Variants in POLR2F observed in about 807,000 individuals in gnomAD.
POLR2F encodes the protein RNA polymerase II, I and III subunit F.
In POLR2F, 12 loss-of-function variants were observed where a neutral mutation model predicts 22.7. That is an observed-to-expected ratio of 0.53 (90% confidence interval 0.34 to 0.86). The LOEUF is 0.86. Ranked by LOEUF, POLR2F falls within the 40% of genes least tolerant of loss-of-function variation. POLR2F has a pLI of 0.02. For missense variants in POLR2F, 126 were observed against 171.5 expected, an observed-to-expected ratio of 0.73 and a Z score of 1.48; for synonymous variants, 57 against 66.0, an observed-to-expected ratio of 0.86 and a Z score of 0.66.
At chr22:37,981,892 G>T (rs1216015973), upstream of POLR2F, among the ~76,000 whole-genome samples, 1 of 152,194 alleles carries the variant, frequency 6.6e-6, no homozygotes, top group Admixed American at 6.5e-5. Context: ...CTGAGAAGGG[G>T]CAGGGGAAGG....
intron 1 of POLR2F, among the ~76,000 whole-genome samples, chr22:38,002,200 C>G (rs1259989521): frequency 1.3e-5 from 2 of 150,212 alleles, no homozygotes; most frequent in Non-Finnish European, 3.0e-5. Flanking sequence ...CAAAGCATAT[C>G]ACTTCTAGAC....
At chr22:38,011,598 C>T (rs2084872481) in intron 1 of POLR2F, among the ~76,000 whole-genome samples, 1 of 151,832 alleles carries the variant, frequency 6.6e-6, no homozygotes, top group Non-Finnish European at 1.5e-5. Flanking sequence ...TATTCTTGGG[C>T]TTTCTATTTT....
intron 1 of POLR2F, among the ~76,000 whole-genome samples, chr22:38,004,206 C>G (rs2084800612): frequency 1.3e-5 from 2 of 151,988 alleles, no homozygotes; most frequent in South Asian, 4.1e-4. Context: ...ATTGCTCAGG[C>G]TGGTCTAGAA....
chr22:37,985,757 G>A (rs1184983821), upstream of POLR2F, among the ~76,000 whole-genome samples: 1 of 150,980 alleles, frequency 6.6e-6, no homozygotes, highest in East Asian at 2.0e-4. Context: ...TGGGAAATGG[G>A]ACACAATGAG....
At chr22:37,974,278 GTTCACC>G, downstream of POLR2F, 1 of 1,110,216 alleles carries the variant, frequency 9.0e-7, no homozygotes, top group Non-Finnish European at 1.3e-6. The surrounding 1 kb of genome is among the most constrained non-coding windows in gnomAD (Gnocchi z 5.4). Flanking sequence ...AACTTCCATG[GTTCACC>G]TTCAGGCAGC....
chr22:37,954,820 AGAG>A (rs1189077357), intron 1 of POLR2F, among the ~76,000 whole-genome samples: 2 of 152,160 alleles, frequency 1.3e-5, no homozygotes, highest in Non-Finnish European at 2.9e-5. Context: ...TCAGTAGAGA[AGAG>A]GAGATGACCC....
chr22:37,974,223 G>T, downstream of POLR2F: 1 of 1,571,132 alleles, frequency 6.4e-7, no homozygotes. This position sits in a 1 kb window ranked among gnomAD's most constrained non-coding sequence, Gnocchi z 5.4. Context: ...GACAGAGAGA[G>T]AGAGCGCAAG....
Position 37,967,951 on chromosome 22 carries a change from C to T in POLR2F, c.*236C>T, listed in dbSNP as rs1481379256. On this transcript the variant is annotated 3_prime_UTR_variant, in exon 5 of 5. Transcript: ENST00000442738. The stretch of plus-strand genomic sequence containing the variant: ...GCCCTTAGCCCCTTTGGATCCCCCA[C>T]ATCCTTCCCTCCATCTCCCTGTTCC... 1 of 1,184,328 alleles carries T rather than the reference C, an allele frequency of 8.4e-7. No homozygotes were observed. Among genetic ancestry groups the T allele is most frequent in the Non-Finnish European group, 1.0e-6 (1 of 954,926 alleles). The allele number at this position is 1,184,328 out of a possible 1,614,324, so 73.4% of individuals were successfully genotyped here. A position where few individuals can be genotyped will look rare whatever the true frequency, so the allele number is the denominator to read the frequency against.
intron 1 of POLR2F, among the ~76,000 whole-genome samples, chr22:37,996,064 T>C (rs1041403916): frequency 4.1e-5 from 6 of 146,122 alleles, no homozygotes; most frequent in Admixed American, 2.0e-4. Flanking sequence ...CTCTCACTGA[T>C]GGAGGTGGTC....
intron 1 of POLR2F, among the ~76,000 whole-genome samples, chr22:38,008,528 G>A (rs1385599848): frequency 6.6e-6 from 1 of 150,720 alleles, no homozygotes; most frequent in African/African-American, 2.4e-5. Flanking sequence ...CTAGGTGACA[G>A]AGAGAGACTC....
chr22:37,981,468 G>GGCACAC (rs1932394197), upstream of POLR2F, among the ~76,000 whole-genome samples: 1 of 152,272 alleles, frequency 6.6e-6, no homozygotes, highest in African/African-American at 2.4e-5. Context: ...CAGCTTGAGT[G>GGCACAC]ATGGCCAAGA....
intron 4 of POLR2F, among the ~76,000 whole-genome samples, chr22:37,979,296 C>T (rs1173868222): frequency 6.6e-6 from 1 of 151,954 alleles, no homozygotes; most frequent in Non-Finnish European, 1.5e-5. Context: ...CGAGGTTTCA[C>T]CATATTGGCC....
chr22:37,984,299 A>C (rs1057073237), upstream of POLR2F: 149 of 153,670 alleles, frequency 9.7e-4, 4 homozygotes, highest in Admixed American at 8.9e-3. This position sits in a 1 kb window ranked among gnomAD's most constrained non-coding sequence, Gnocchi z 4.4. Context: ...GCAGGGTCCC[A>C]GGCCTGGGCG....
At position 37,986,643 on chromosome 22, in the gene POLR2F, C is replaced by T; in HGVS notation, c.120+331C>T. The T allele has an allele frequency of 1.6e-6, 1 of 630,680 alleles. No individual in the cohort carries two copies. Among genetic ancestry groups the T allele is most frequent in the Non-Finnish European group, 2.9e-6 (1 of 340,798 alleles). The allele number at this position is 630,680 out of a possible 1,614,324, so 39.1% of individuals were successfully genotyped here. Reference sequence around the variant, plus strand: ...CTTGTCCCCGCACAGACACTGCCTTCCTCTCAGGGCTGTGCTGGGCTTTTT... The same window carrying T: ...CTTGTCCCCGCACAGACACTGCCTTTCTCTCAGGGCTGTGCTGGGCTTTTT... On this transcript the variant is annotated intron_variant, in intron 1 of 2. Coordinates refer to the POLR2F transcript ENST00000333418. This position sits in a 1 kb window ranked among gnomAD's most constrained non-coding sequence, Gnocchi z 4.7.
chr22:37,961,875 G>C (rs1931656619), intron 3 of POLR2F, among the ~76,000 whole-genome samples: 1 of 152,058 alleles, frequency 6.6e-6, no homozygotes, highest in Non-Finnish European at 1.5e-5. Context: ...GACTGATGTG[G>C]GAAATGGTGG....
At chr22:38,000,690 C>T (rs565109772) in intron 1 of POLR2F, among the ~76,000 whole-genome samples, 13 of 152,246 alleles carry the variant, frequency 8.5e-5, no homozygotes, top group African/African-American at 2.6e-4. Context: ...GCCCAGGGCT[C>T]CCTGCCTGGC....
chr22:38,009,397 G>C (rs1280583685), intron 1 of POLR2F, among the ~76,000 whole-genome samples: 1 of 152,212 alleles, frequency 6.6e-6, no homozygotes, highest in African/African-American at 2.4e-5. Flanking sequence ...AGGCAATGGC[G>C]GGGGCCAGGG....
intron 5 of POLR2F, among the ~76,000 whole-genome samples, chr22:38,034,902 C>CTGGGGCTAGGACTGGGCCTAGGCCTAG (rs1257950289): frequency 6.6e-5 from 10 of 152,046 alleles, no homozygotes; most frequent in Admixed American, 6.6e-5. Context: ...TGGCCTAGGA[C>CTGGGGCTAGGACTGGGCCTAGGCCTAG]GAGCTGGGGC....
chr22:38,028,456 G>T (rs1461154271), downstream of POLR2F, among the ~76,000 whole-genome samples: 1 of 152,104 alleles, frequency 6.6e-6, no homozygotes, highest in African/African-American at 2.4e-5. Flanking sequence ...GGGGGCTCAT[G>T]ACCCTCTGTG....
Sources: gnomAD v4.1 joint callset for allele counts (sites outside exome capture counted in the v4.1 genomes callset) on GRCh38, gnomAD v4.1.1 for gene constraint, Gnocchi (gnomAD v3.1) non-coding constraint, MANE v1.5 for transcripts, NCBI Gene and HGNC (gene_info 2026-07-23, HGNC 2026-07-21) for gene names.